The following NAV2 variants were observed in gnomAD, a reference collection of about 807,000 sequenced individuals.
NAV2 encodes the protein neuron navigator 2.
In NAV2, 54 loss-of-function variants were observed where a neutral mutation model predicts 223.2. The observed-to-expected ratio is 0.24, with a 90% CI of 0.19 to 0.30. The LOEUF (loss-of-function observed/expected upper bound fraction) is 0.30. Among genes scored for constraint, NAV2 ranks in the 10% least tolerant of loss-of-function variants. The pLI is 1.00. For missense variants in NAV2, 2,806 were observed against 3,147.5 expected (o/e 0.89, Z 2.60); for synonymous variants, 1,279 against 1,239.3 (o/e 1.03, Z -0.67).
chr11:19,496,711 T>C (rs145777048), intron 1 of NAV2, among the ~76,000 whole-genome samples: 8 of 152,322 alleles, frequency 5.3e-5, no homozygotes, highest in Admixed American at 2.0e-4. Context: ...GCAAGGATCA[T>C]TGAGGACTGT....
chr11:19,669,348 T>C (rs1472070039), intron 1 of NAV2, among the ~76,000 whole-genome samples: 1 of 152,240 alleles, frequency 6.6e-6, no homozygotes, highest in African/African-American at 2.4e-5. Context: ...CATTCCTTCC[T>C]TTCCTTCTTC....
intron 1 of NAV2, among the ~76,000 whole-genome samples, chr11:19,603,410 G>A (rs1401724930): frequency 1.3e-5 from 2 of 152,056 alleles, no homozygotes; most frequent in South Asian, 4.1e-4. Flanking sequence ...GGTGGATCAC[G>A]AGGTCAGGAG....
intron 1 of NAV2, among the ~76,000 whole-genome samples, chr11:19,368,837 G>A (rs1005425522): frequency 5.9e-5 from 9 of 152,140 alleles, no homozygotes. Flanking sequence ...CTTTGGACAA[G>A]CTACCTCTTT....
chr11:19,946,196 G>A (rs1242331572), intron 8 of NAV2, among the ~76,000 whole-genome samples: 1 of 152,198 alleles, frequency 6.6e-6, no homozygotes, highest in Non-Finnish European at 1.5e-5. Context: ...CCTGAAGGAA[G>A]AATCTCCCTG....
At chr11:20,047,466 C>T (rs1430682142) in intron 14 of NAV2, among the ~76,000 whole-genome samples, 1 of 152,044 alleles carries the variant, frequency 6.6e-6, no homozygotes, top group Non-Finnish European at 1.5e-5. Context: ...TGTATGTAGT[C>T]ATGCATAGCA....
At chr11:19,961,379 C>G (rs911850266) in intron 10 of NAV2, among the ~76,000 whole-genome samples, 3 of 152,198 alleles carry the variant, frequency 2.0e-5, no homozygotes, top group Non-Finnish European at 4.4e-5. Context: ...ATACCAAGTT[C>G]GAGTTGAGGT....
chr11:19,598,669 A>G (rs928328845), intron 1 of NAV2, among the ~76,000 whole-genome samples: 1 of 152,178 alleles, frequency 6.6e-6, no homozygotes, highest in Non-Finnish European at 1.5e-5. Flanking sequence ...CAGAAAGATT[A>G]AGGAATTTGC....
intron 11 of NAV2, among the ~76,000 whole-genome samples, chr11:20,011,275 A>G (rs944410117): frequency 6.6e-6 from 1 of 152,150 alleles, no homozygotes; most frequent in African/African-American, 2.4e-5. Flanking sequence ...TTTTAAGCCT[A>G]TGTTTAATTT....
intron 1 of NAV2, among the ~76,000 whole-genome samples, chr11:19,422,542 T>A (rs59035659): frequency 6.6e-6 from 1 of 152,162 alleles, no homozygotes; most frequent in African/African-American, 2.4e-5. Context: ...GCCTGATTCC[T>A]GTCCCAACAG....
chr11:19,566,575 T>C (rs1248985835), intron 1 of NAV2, among the ~76,000 whole-genome samples: 2 of 152,244 alleles, frequency 1.3e-5, no homozygotes, highest in African/African-American at 4.8e-5. Flanking sequence ...GCCACCCCTG[T>C]GCCTGAGACA....
intron 1 of NAV2, among the ~76,000 whole-genome samples, chr11:19,469,384 G>A (rs918820649): frequency 6.6e-6 from 1 of 151,668 alleles, no homozygotes. Context: ...TTATAAGTTT[G>A]GCCTCTATGT....
At chr11:19,513,734 T>C (rs1327549873) in intron 1 of NAV2, among the ~76,000 whole-genome samples, 2 of 152,180 alleles carry the variant, frequency 1.3e-5, no homozygotes, top group Non-Finnish European at 2.9e-5. Context: ...ATCACAGATG[T>C]AATTAGTTAA....
chr11:19,346,731 G>A (rs934369022), upstream of NAV2, among the ~76,000 whole-genome samples: 1 of 152,206 alleles, frequency 6.6e-6, no homozygotes, highest in Non-Finnish European at 1.5e-5. Flanking sequence ...AGAAGTGGCC[G>A]GCTCACGGGC....
At chr11:20,025,960 G>A (rs1484392017) in intron 11 of NAV2, among the ~76,000 whole-genome samples, 1 of 152,150 alleles carries the variant, frequency 6.6e-6, no homozygotes, top group Non-Finnish European at 1.5e-5. Flanking sequence ...GCTGTACTTA[G>A]GCTACCTGAT....
At chr11:19,672,209 A>G (rs751366813) in intron 1 of NAV2, among the ~76,000 whole-genome samples, 17 of 152,230 alleles carry the variant, frequency 1.1e-4, no homozygotes, top group Non-Finnish European at 2.4e-4. Context: ...AGTGCAGTGC[A>G]CAGTCTCACC....
rs778847703 is a variant in NAV2 at position 19,933,141 on chromosome 11, G to A, written c.932-35G>A. On this transcript the variant is annotated intron_variant, in intron 6 of 37. Transcript: ENST00000349880. The surrounding 1 kb of genome is among the most constrained non-coding windows in gnomAD (Gnocchi z 4.3). The stretch of plus-strand genomic sequence containing the variant: ...CCTGGTCTTCAGTGCAGGTCAACAA[G>A]TATGATTCAGGCCTCCTCTCTTCTG... The A allele has an allele frequency of 9.4e-6, 14 of 1,487,890 alleles. No homozygotes were observed. The highest frequency in any genetic ancestry group is 1.3e-5 in the Non-Finnish European group (14 of 1,116,980). The allele number at this position is 1,487,890 out of a possible 1,614,324, so 92.2% of individuals were successfully genotyped here.
rs1431316805 is a variant in NAV2 at position 19,705,104 on chromosome 11, T to TA, written c.76-127377dup. On this transcript the variant is annotated intron_variant, in intron 1 of 37. Coordinates refer to the NAV2 transcript ENST00000360655. ...CAATTCGTAGAAATAAATAAATAAA[T>TA]AAATAAATAAATAAATAAGTCTTCT... Among the ~76,000 whole-genome samples, 9 of 146,470 alleles carry TA rather than the reference T, an allele frequency of 6.1e-5. No homozygotes were observed. The East Asian group carries it at 1.8e-3, about 29-fold the overall frequency.
At chr11:19,956,250 C>T (rs1232633716) in intron 10 of NAV2, among the ~76,000 whole-genome samples, 1 of 152,188 alleles carries the variant, frequency 6.6e-6, no homozygotes, top group Non-Finnish European at 1.5e-5. Context: ...AATTCTCCTA[C>T]ACCAGCTGAA....
In NAV2 at chr11:20,022,482, T is replaced by C. The variant is rs561467593; in HGVS notation, c.2769-13477T>C. 6.8e-5 allele frequency: 62 copies of C among 914,840 alleles called. 1 individual carries two copies. In the South Asian group the frequency reaches 2.7e-3, roughly 39 times the overall value. 56.7% of individuals were successfully genotyped at this position (914,840 alleles called of 1,614,324 possible). A position where few individuals can be genotyped will look rare whatever the true frequency, so the allele number is the denominator to read the frequency against. On this transcript the variant is annotated intron_variant, in intron 11 of 37. Coordinates refer to ENST00000349880, the MANE Select transcript of NAV2 (RefSeq NM_145117.5). ...TCAAAATTGACATCACCGGAAATAA[T>C]GTATGTGTGTCGTTGTTAACTGTAC...
Sources: allele counts gnomAD v4.1 joint callset (sites outside exome capture counted in the v4.1 genomes callset), GRCh38; gene constraint gnomAD v4.1.1; non-coding constraint Gnocchi (gnomAD v3.1); transcripts MANE v1.5; gene names NCBI Gene and HGNC (gene_info 2026-07-23, HGNC 2026-07-21).